ZFAT: variants seen among roughly 807,000 people sequenced by gnomAD.
ZFAT encodes the protein zinc finger protein ZFAT.
Under a neutral mutation model 117.7 loss-of-function variants are expected in ZFAT, and 64 were observed. That is an observed-to-expected ratio of 0.54 (90% CI 0.44 to 0.67). ZFAT has a LOEUF of 0.67. ZFAT is among the 30% of genes least tolerant of loss of function. ZFAT has a pLI of 0.00. For synonymous variants in ZFAT, 679 were observed against 615.0 expected (o/e 1.10, Z -1.54); for missense variants, 1,433 against 1,584.5 (o/e 0.90, Z 1.62).
intron 5 of ZFAT, among the ~76,000 whole-genome samples, chr8:134,604,070 A>G (rs973686049): frequency 1.3e-5 from 2 of 152,256 alleles, no homozygotes; most frequent in African/African-American, 4.8e-5. Flanking sequence ...GAACAAAAGC[A>G]TGGTCTGCCT....
At chr8:134,496,401 T>G (rs1056105667) in intron 15 of ZFAT, among the ~76,000 whole-genome samples, 1 of 152,220 alleles carries the variant, frequency 6.6e-6, no homozygotes, top group African/African-American at 2.4e-5. Flanking sequence ...GTGACTCCCA[T>G]GAAACGGGCT....
intron 1 of ZFAT, among the ~76,000 whole-genome samples, chr8:134,701,970 AAG>A (rs1445386165): frequency 2.6e-5 from 4 of 152,210 alleles, no homozygotes; most frequent in Non-Finnish European, 5.9e-5. Flanking sequence ...GAATGAATTA[AAG>A]AGTTAATGGA....
chr8:134,590,374 T>C lies in ZFAT; in HGVS notation c.2476-19A>G, dbSNP rs956556958. Reference sequence around the variant, plus strand: ...TTTTGTCCTTAATAGAAAGAGAACATAATCAGTTGACTTTCTCATTTAAAT... The same window carrying C: ...TTTTGTCCTTAATAGAAAGAGAACACAATCAGTTGACTTTCTCATTTAAAT... On this transcript the variant is annotated intron_variant, in intron 7 of 15. Transcript: ENST00000377838. 5.1e-6 allele frequency: 8 copies of C among 1,575,260 alleles called. No individual in the cohort carries two copies. Among genetic ancestry groups the C allele is most frequent in the Non-Finnish European group, 7.0e-6 (8 of 1,149,828 alleles).
At chr8:134,624,332 A>G (rs1185626619) in intron 3 of ZFAT, among the ~76,000 whole-genome samples, 2 of 152,168 alleles carry the variant, frequency 1.3e-5, no homozygotes, top group Admixed American at 6.5e-5. Flanking sequence ...TTTGTTTACC[A>G]TCCCACCTCT....
the ZFAT span, among the ~76,000 whole-genome samples, chr8:134,787,470 G>A: frequency 2.0e-5 from 3 of 152,112 alleles, no homozygotes; most frequent in Non-Finnish European, 4.4e-5. Context: ...GGATCACCAC[G>A]TATACAGAAT....
At chr8:134,736,396 T>G in the ZFAT span, among the ~76,000 whole-genome samples, 1 of 152,128 alleles carries the variant, frequency 6.6e-6, no homozygotes, top group Non-Finnish European at 1.5e-5. Flanking sequence ...CACATCAGGG[T>G]GTGACATGGT....
intron 1 of ZFAT, among the ~76,000 whole-genome samples, chr8:134,676,969 C>G (rs1832836030): frequency 6.6e-6 from 1 of 152,158 alleles, no homozygotes. Flanking sequence ...AAATTTATAG[C>G]ACTAAATGAC....
chr8:134,712,718 C>CGCGGCCGCG, intron 1 of ZFAT, 127 bp downstream of exon 1: 3 of 824,850 alleles, frequency 3.6e-6, no homozygotes, highest in Non-Finnish European at 5.1e-6. Flanking sequence ...CGGATCCCTC[C>CGCGGCCGCG]GCGGCCGGCG....
intron 1 of ZFAT, among the ~76,000 whole-genome samples, chr8:134,694,259 G>A (rs1162130863): frequency 1.3e-5 from 2 of 152,202 alleles, no homozygotes; most frequent in Non-Finnish European, 2.9e-5. Flanking sequence ...ATCTCAAGAG[G>A]AGCGCTACAC....
intron 2 of ZFAT, among the ~76,000 whole-genome samples, chr8:134,654,601 C>A (rs891887950): frequency 6.6e-6 from 1 of 152,206 alleles, no homozygotes; most frequent in Non-Finnish European, 1.5e-5. Flanking sequence ...GTCTTATACT[C>A]GTCAGAAGGA....
the ZFAT span, chr8:134,766,977 A>C: frequency 6.6e-6 from 1 of 152,250 alleles, no homozygotes; most frequent in African/African-American, 2.4e-5. Context: ...AGATCAATGA[A>C]TAGAGACTTT....
intron 9 of ZFAT, among the ~76,000 whole-genome samples, chr8:134,585,725 A>T (rs989036195): frequency 1.1e-4 from 16 of 152,184 alleles, no homozygotes; most frequent in Non-Finnish European, 2.9e-5. Flanking sequence ...GGATCTCCAG[A>T]TCATCCACAA....
chr8:134,679,615 C>T (rs1329560681), intron 1 of ZFAT, among the ~76,000 whole-genome samples: 2 of 152,170 alleles, frequency 1.3e-5, no homozygotes, highest in Non-Finnish European at 2.9e-5. Flanking sequence ...ATAAAACATT[C>T]TACTATAAAG....
At chr8:134,646,077 C>T (rs1586882830) in intron 2 of ZFAT, among the ~76,000 whole-genome samples, 2 of 151,652 alleles carry the variant, frequency 1.3e-5, no homozygotes, top group East Asian at 3.9e-4. Context: ...GGCGTGGTGG[C>T]GGGCGCCTGT....
the ZFAT span, among the ~76,000 whole-genome samples, chr8:134,782,310 A>G: frequency 2.6e-5 from 4 of 152,218 alleles, no homozygotes; most frequent in South Asian, 6.2e-4. Context: ...TACAGTCCTT[A>G]TATCTTTATT....
rs1033874116 is a variant in ZFAT, at chr8:134,638,555, AAAAACAAAAC to A, written c.197-853_197-844del. On this transcript the variant is annotated intron_variant, in intron 2 of 15. Coordinates refer to ENST00000377838, the MANE Select transcript of ZFAT (RefSeq NM_020863.4). ...TCTGTCTCTACTAAAAATACAAAAA[AAAAACAAAAC>A]AAAAAAAAAAAACATTAACCAGGCG... Among the ~76,000 whole-genome samples the A allele has an allele frequency of 6.3e-4, 16 of 25,348 alleles. 2 individuals are homozygous for A. The highest frequency in any genetic ancestry group is 8.8e-4 in the African/African-American group (5 of 5,708). The allele number at this position is 25,348 out of a possible 152,430, so 16.6% of individuals were successfully genotyped here.
chr8:134,725,789 G>C, the ZFAT span, among the ~76,000 whole-genome samples: 1 of 151,758 alleles, frequency 6.6e-6, no homozygotes, highest in African/African-American at 2.4e-5. Context: ...TTAAGTCATT[G>C]GTCCTATGCA....
At chr8:134,782,160 G>C in the ZFAT span, among the ~76,000 whole-genome samples, 1 of 152,162 alleles carries the variant, frequency 6.6e-6, no homozygotes, top group Non-Finnish European at 1.5e-5. Flanking sequence ...CCCTGCAAAG[G>C]CAATGCTTTG....
the ZFAT span, among the ~76,000 whole-genome samples, chr8:134,805,870 C>A: frequency 6.6e-6 from 1 of 151,852 alleles, no homozygotes; most frequent in Non-Finnish European, 1.5e-5. Flanking sequence ...CCCAGCTATT[C>A]GGGAGGCTGA....
Sources: gnomAD v4.1 joint callset for allele counts (sites outside exome capture counted in the v4.1 genomes callset) on GRCh38, gnomAD v4.1.1 for gene constraint, MANE v1.5 for transcripts, NCBI Gene and HGNC (gene_info 2026-07-23, HGNC 2026-07-21) for gene names.